Variants in USP40 observed in about 807,000 individuals in gnomAD.
USP40 encodes the protein ubiquitin specific peptidase 40, also known as ubiquitin carboxyl-terminal hydrolase 40.
Under a neutral mutation model 166.2 loss-of-function variants are expected in USP40, and 143 were observed. The observed-to-expected ratio is 0.86, with a 90% CI of 0.75 to 0.99. The LOEUF is 0.99. Ranked by LOEUF, USP40 falls within the 50% of genes least tolerant of loss-of-function variation. USP40 has a pLI of 0.00. For missense variants in USP40, 1,444 were observed against 1,479.7 expected, an observed-to-expected ratio of 0.98 and a Z score of 0.40; for synonymous variants, 498 against 524.0, an observed-to-expected ratio of 0.95 and a Z score of 0.68.
chr2:233,519,457 A>G, intron 18 of USP40, 157 bp downstream of exon 18: 1 of 561,622 alleles, frequency 1.8e-6, no homozygotes, highest in Non-Finnish European at 3.3e-6. Flanking sequence ...TGTTTCAAAC[A>G]AAAACAAACA....
At chr2:233,523,879 C>T (rs1447451358) in intron 15 of USP40, among the ~76,000 whole-genome samples, 1 of 152,082 alleles carries the variant, frequency 6.6e-6, no homozygotes, top group Admixed American at 6.6e-5. Flanking sequence ...TCTAAATTCC[C>T]ACAGGCACTA....
intron 31 of USP40, 127 bp from the exon 32 acceptor site, chr2:233,477,630 A>G: frequency 1.2e-6 from 1 of 811,786 alleles, no homozygotes; most frequent in Non-Finnish European, 2.0e-6. Context: ...AATTGCACAG[A>G]CAGATCTCAG....
intron 10 of USP40, among the ~76,000 whole-genome samples, chr2:233,534,145 A>C (rs2068767917): frequency 1.3e-5 from 2 of 152,252 alleles, no homozygotes; most frequent in African/African-American, 4.8e-5. Flanking sequence ...AGGCAATCAC[A>C]CAGTGTACCA....
chr2:233,481,663 T>C (rs2064601558), intron 30 of USP40: 1 of 247,736 alleles, frequency 4.0e-6, no homozygotes, highest in African/African-American at 2.3e-5. Context: ...CTGTTTACTT[T>C]ATAGACACCG....
At chr2:233,510,556 C>T (rs2066750507) in intron 20 of USP40, among the ~76,000 whole-genome samples, 1 of 151,910 alleles carries the variant, frequency 6.6e-6, no homozygotes, top group South Asian at 2.1e-4. Context: ...GTGCATGCCA[C>T]TACGCCTGGC....
At chr2:233,482,525 TA>T (rs2064681970) in intron 30 of USP40, among the ~76,000 whole-genome samples, 1 of 151,962 alleles carries the variant, frequency 6.6e-6, no homozygotes, top group Non-Finnish European at 1.5e-5. Flanking sequence ...ATCTGTGTAC[TA>T]AACTAACACC....
At chr2:233,506,754 A>AG (rs200695152) in intron 21 of USP40, among the ~76,000 whole-genome samples, 17,675 of 149,162 alleles carry the variant, frequency 0.12, 1,451 homozygotes, top group Non-Finnish European at 0.17. Flanking sequence ...AAAAAAAAAA[A>AG]AAAAAAAATA....
In USP40 at chr2:233,548,335, G is replaced by A. The variant is rs190090797; in HGVS notation, c.966+766C>T. Among the ~76,000 whole-genome samples the A allele has an allele frequency of 6.4e-3, 979 of 152,272 alleles. 4 individuals are homozygous for A. The highest frequency in any genetic ancestry group is 0.022 in the African/African-American group (926 of 41,556). ...CCTGGTTTTAAATCCTATTGTGAAA[G>A]CTACAGACACGGGATTTATTGTTTT... On this transcript the variant is annotated intron_variant, in intron 8 of 31. Coordinates refer to ENST00000678225, the MANE Select transcript of USP40 (RefSeq NM_001365479.2).
intron 27 of USP40, 21 bp downstream of exon 27, chr2:233,489,344 T>C: frequency 6.4e-7 from 1 of 1,559,042 alleles, no homozygotes; most frequent in Non-Finnish European, 8.7e-7. Flanking sequence ...GGGACAGTGT[T>C]GCGTCCAGCA....
At chr2:233,492,048 T>C (rs900721755) in intron 25 of USP40, among the ~76,000 whole-genome samples, 1 of 152,236 alleles carries the variant, frequency 6.6e-6, no homozygotes, top group Non-Finnish European at 1.5e-5. Flanking sequence ...TTTTAGGAAA[T>C]TCTAAAGAAT....
At position 233,477,226 on chromosome 2, in the gene USP40, G is replaced by GT; in HGVS notation, c.*165dup. 1.5e-6 allele frequency: 1 copy of GT among 681,730 alleles called. No homozygotes were observed. Among genetic ancestry groups the GT allele is most frequent in the Non-Finnish European group, 2.6e-6 (1 of 386,362 alleles). 42.2% of individuals were successfully genotyped at this position (681,730 alleles called of 1,614,324 possible). A position where few individuals can be genotyped will look rare whatever the true frequency, so the allele number is the denominator to read the frequency against. Reference sequence around the variant, plus strand: ...TGGCTGCCACGTGTTGCAGAGCTAAGTGACTACATGCACTGGCCAGGCCTC... The same window carrying GT: ...TGGCTGCCACGTGTTGCAGAGCTAAGTTGACTACATGCACTGGCCAGGCCTC... On this transcript the variant is annotated 3_prime_UTR_variant, in exon 32 of 32. Transcript: ENST00000678225.
Position 233,523,273 on chromosome 2 carries a change from C to A in USP40, c.2098G>T (p.Gly700Cys), listed in dbSNP as rs1575286184. 3 of 1,613,998 alleles carry A rather than the reference C, an allele frequency of 1.9e-6. No individual in the cohort carries two copies. In the East Asian group the frequency reaches 6.7e-5, roughly 36 times the overall value. The change falls in exon 16 of 32, where the codon GGT (glycine) becomes TGT (cysteine). Residue 700 changes from glycine (G) to cysteine (C), a missense_variant. Gly to Cys is a radical substitution (Grantham distance 159, BLOSUM62 -3). Coordinates refer to ENST00000678225, the MANE Select transcript of USP40 (RefSeq NM_001365479.2). ...TCTTCCTTGGGGATGGCCGTCCAAC[C>A]CTCCCCACCTGGACATCCAGCACTG... Reference protein sequence around the residue: ...INSAGCPGGEGWTAIPKEDMR... With the variant: ...INSAGCPGGECWTAIPKEDMR...
chr2:233,521,807 A>G (rs770934579), intron 16 of USP40, among the ~76,000 whole-genome samples: 1 of 152,218 alleles, frequency 6.6e-6, no homozygotes, highest in Non-Finnish European at 1.5e-5. Context: ...CAAATAAAAC[A>G]AAGTATGAAG....
At chr2:233,504,020 T>C (rs917666723) in intron 21 of USP40, among the ~76,000 whole-genome samples, 36 of 151,976 alleles carry the variant, frequency 2.4e-4, no homozygotes, top group Non-Finnish European at 4.4e-4. Context: ...ATATAAATTG[T>C]AGAGGGAAGG....
At chr2:233,497,794 G>A (rs754350322) in intron 23 of USP40, among the ~76,000 whole-genome samples, 1 of 152,214 alleles carries the variant, frequency 6.6e-6, no homozygotes, top group Non-Finnish European at 1.5e-5. Flanking sequence ...GGCCCCAAGA[G>A]GGGCCTCTTG....
intron 7 of USP40, 29 bp from the exon 8 acceptor site, chr2:233,549,258 T>TA (rs1327306867): frequency 9.0e-6 from 11 of 1,217,342 alleles, no homozygotes; most frequent in Non-Finnish European, 1.2e-5. Context: ...AAAATATTGA[T>TA]ATAGTTTTCA....
Position 233,554,784 on chromosome 2 carries a change from C to A in USP40, c.547-258G>T, listed in dbSNP as rs150886343. Among the ~76,000 whole-genome samples, 975 of 152,162 alleles carry A rather than the reference C, an allele frequency of 6.4e-3. 3 individuals are homozygous for A. Among genetic ancestry groups the A allele is most frequent in the African/African-American group, 0.022 (922 of 41,516 alleles). On this transcript the variant is annotated intron_variant, in intron 5 of 31. Transcript: ENST00000678225. ...GAATTTACCAAAGATACAATAAAAT[C>A]TGTTTTATGAGGAAATATAAACCAC...
At chr2:233,505,602 A>G (rs1224331623) in intron 21 of USP40, among the ~76,000 whole-genome samples, 1 of 152,188 alleles carries the variant, frequency 6.6e-6, no homozygotes, top group African/African-American at 2.4e-5. Flanking sequence ...TCCTGGACAT[A>G]TACAATATAC....
At chr2:233,509,749 G>A (rs1241556298) in intron 21 of USP40, among the ~76,000 whole-genome samples, 3 of 150,916 alleles carry the variant, frequency 2.0e-5, no homozygotes, top group East Asian at 2.0e-4. Context: ...GCTGAGGCAG[G>A]AGAATCACTT....
Sources: gnomAD v4.1 joint callset for allele counts (sites outside exome capture counted in the v4.1 genomes callset) on GRCh38, gnomAD v4.1.1 for gene constraint, MANE v1.5 for transcripts, NCBI Gene and HGNC (gene_info 2026-07-23, HGNC 2026-07-21) for gene names.